The following CMSS1 variants were observed in gnomAD, a reference collection of about 807,000 sequenced individuals.
The protein encoded by CMSS1 is protein CMSS1.
In CMSS1, 33 loss-of-function variants were observed where a neutral mutation model predicts 43.5. The observed-to-expected ratio is 0.76, with a 90% CI of 0.57 to 1.01. The LOEUF is 1.01. Among genes scored for constraint, CMSS1 ranks in the 50% least tolerant of loss-of-function variants. The pLI, the probability that CMSS1 is intolerant of heterozygous loss-of-function variation, is 0.00. For synonymous variants in CMSS1, 115 were observed against 117.2 expected (o/e 0.98, Z 0.12); for missense variants, 313 against 326.4 (o/e 0.96, Z 0.32).
chr3:99,865,801 CTTA>C lies in CMSS1; in HGVS notation c.64+47762_64+47764del, dbSNP rs544794955. The stretch of plus-strand genomic sequence containing the variant: ...AGAAATATGTGTGTATGTATTTTAT[CTTA>C]TTAAGAATATTTATATGTTTTTTTA... On this transcript the variant is annotated intron_variant, in intron 1 of 9. Transcript: ENST00000421999. Among the ~76,000 whole-genome samples the C allele has an allele frequency of 5.0e-3, 759 of 151,768 alleles. 6 individuals carry two copies. The highest frequency in any genetic ancestry group is 0.017 in the African/African-American group (716 of 41,416).
intron 1 of CMSS1, among the ~76,000 whole-genome samples, chr3:99,907,287 G>A (rs546172941): frequency 6.6e-6 from 1 of 151,868 alleles, no homozygotes; most frequent in Admixed American, 6.6e-5. Context: ...TCACTCTGTT[G>A]CCCAGGCTGG....
At chr3:99,829,824 A>G (rs992110597) in intron 1 of CMSS1, among the ~76,000 whole-genome samples, 1 of 152,332 alleles carries the variant, frequency 6.6e-6, no homozygotes, top group Middle Eastern at 3.4e-3. Context: ...ATTGTCAGGT[A>G]TTCTGCACAA....
intron 1 of CMSS1, among the ~76,000 whole-genome samples, chr3:99,933,103 A>C (rs1030914541): frequency 6.6e-6 from 1 of 152,210 alleles, no homozygotes; most frequent in Non-Finnish European, 1.5e-5. Flanking sequence ...TGCACAGCTA[A>C]TAAGTGGCAA....
At chr3:100,017,038 C>T (rs904852011) in intron 1 of CMSS1, among the ~76,000 whole-genome samples, 2 of 152,146 alleles carry the variant, frequency 1.3e-5, no homozygotes, top group East Asian at 3.8e-4. Context: ...TTTTCAAATT[C>T]ACCAGTTTCT....
chr3:100,141,422 C>A (rs1229775375), intron 1 of CMSS1: 1 of 346,114 alleles, frequency 2.9e-6, no homozygotes, highest in African/African-American at 2.2e-5. Flanking sequence ...CAGGAGAATT[C>A]TGAGTGGAAA....
chr3:100,148,643 T>C (rs1460238754), intron 2 of CMSS1, among the ~76,000 whole-genome samples: 1 of 152,168 alleles, frequency 6.6e-6, no homozygotes, highest in African/African-American at 2.4e-5. Context: ...AATTATTTCT[T>C]CCTCACAGAG....
chr3:99,859,857 TA>T (rs1052914610), intron 1 of CMSS1, among the ~76,000 whole-genome samples: 5 of 152,202 alleles, frequency 3.3e-5, no homozygotes, highest in African/African-American at 1.2e-4. Flanking sequence ...GTCTAAATTT[TA>T]AGAGCACTCA....
intron 1 of CMSS1, among the ~76,000 whole-genome samples, chr3:99,886,319 G>A (rs1178377163): frequency 6.6e-6 from 1 of 150,694 alleles, no homozygotes; most frequent in African/African-American, 2.5e-5. Flanking sequence ...GTAAAGCAGG[G>A]ATGTCCAATC....
chr3:99,881,908 AG>A (rs1363006077), intron 1 of CMSS1, among the ~76,000 whole-genome samples: 2 of 152,170 alleles, frequency 1.3e-5, no homozygotes. Context: ...GCTTGATTTC[AG>A]GGTAAGTATT....
intron 1 of CMSS1, among the ~76,000 whole-genome samples, chr3:100,119,230 T>G (rs1421809171): frequency 6.6e-6 from 1 of 152,174 alleles, no homozygotes; most frequent in South Asian, 2.1e-4. Context: ...AGGTATAAAT[T>G]AATTTGTCTA....
chr3:100,014,862 T>G (rs1402548176), intron 1 of CMSS1, among the ~76,000 whole-genome samples: 1 of 147,604 alleles, frequency 6.8e-6, no homozygotes. Flanking sequence ...ACACCATTTG[T>G]CTTTTTCTTT....
At chr3:100,071,906 T>A (rs755401266) in intron 1 of CMSS1, among the ~76,000 whole-genome samples, 1 of 152,162 alleles carries the variant, frequency 6.6e-6, no homozygotes, top group Non-Finnish European at 1.5e-5. Flanking sequence ...AGGGGGACTT[T>A]GCCATATCAG....
At chr3:99,850,506 TA>T in intron 1 of CMSS1, 1 of 1,613,188 alleles carries the variant, frequency 6.2e-7, no homozygotes, top group Non-Finnish European at 8.5e-7. Flanking sequence ...CCTCCATTTT[TA>T]TGAGCTCTTC....
chr3:99,950,379 G>A (rs987126847), intron 1 of CMSS1, among the ~76,000 whole-genome samples: 2 of 152,060 alleles, frequency 1.3e-5, no homozygotes, highest in Non-Finnish European at 2.9e-5. Context: ...TATTTCTATG[G>A]GTAGGGAAAT....
At chr3:100,147,579 GT>G (rs2066864931) in intron 2 of CMSS1, among the ~76,000 whole-genome samples, 1 of 151,956 alleles carries the variant, frequency 6.6e-6, no homozygotes, top group Admixed American at 6.6e-5. Context: ...GGTTCCTAAT[GT>G]TTTTTAACTA....
At chr3:100,170,991 CAG>C (rs918580328) in intron 6 of CMSS1, among the ~76,000 whole-genome samples, 7 of 152,162 alleles carry the variant, frequency 4.6e-5, no homozygotes, top group African/African-American at 1.2e-4. Context: ...CTCTAAAAAT[CAG>C]AGAGTCTTAG....
At chr3:100,016,440 C>T (rs1393035522) in intron 1 of CMSS1, among the ~76,000 whole-genome samples, 3 of 152,128 alleles carry the variant, frequency 2.0e-5, no homozygotes, top group Non-Finnish European at 4.4e-5. Context: ...ATCCACCCAC[C>T]TCGGAAAGTG....
chr3:99,847,300 A>G (rs1943408548), intron 1 of CMSS1, among the ~76,000 whole-genome samples: 3 of 151,882 alleles, frequency 2.0e-5, no homozygotes, highest in Admixed American at 1.3e-4. Flanking sequence ...AAGTAATTCA[A>G]ACTGTTTTGG....
At chr3:100,014,895 C>CTTTTTTTTTTTTTT (rs1233573719) in intron 1 of CMSS1, among the ~76,000 whole-genome samples, 2 of 25,006 alleles carry the variant, frequency 8.0e-5, no homozygotes, top group African/African-American at 1.8e-4. Flanking sequence ...TTCTTTCTTT[C>CTTTTTTTTTTTTTT]TTTTTTTTTT....
Sources: allele counts gnomAD v4.1 joint callset (sites outside exome capture counted in the v4.1 genomes callset), GRCh38; gene constraint gnomAD v4.1.1; transcripts MANE v1.5; gene names NCBI Gene and HGNC (gene_info 2026-07-23, HGNC 2026-07-21).